The following PTPN11 variants were observed in gnomAD, a reference collection of about 807,000 sequenced individuals.
PTPN11 encodes the protein protein tyrosine phosphatase non-receptor type 11.
In PTPN11, 6 loss-of-function variants were observed where a neutral mutation model predicts 78.8. The observed-to-expected ratio is 0.08, with a 90% CI of 0.04 to 0.15. The LOEUF is 0.15. PTPN11 is among the 10% of genes least tolerant of loss of function. PTPN11 has a pLI of 1.00. For missense variants in PTPN11, 386 were observed against 744.8 expected (o/e 0.52, Z 5.61); for synonymous variants, 221 against 263.5 (o/e 0.84, Z 1.56).
rs80225699 is a variant in PTPN11, at chr12:112,489,407, C to T, written c.1599+232C>T. On this transcript the variant is annotated intron_variant, in intron 13 of 15. Transcript: ENST00000351677. ...AAGGGCACCATCCTATCAGCCTGGC[C>T]TGCCAGATTGAAGAACTGCCATGCA... 4.8e-4 allele frequency among the ~76,000 whole-genome samples: 73 copies of T among 152,350 alleles called. No individual in the cohort carries two copies. The East Asian group carries it at 9.8e-3, about 21-fold the overall frequency.
chr12:112,478,147 G>A, intron 9 of PTPN11, 132 bp downstream of exon 9: 3 of 1,055,320 alleles, frequency 2.8e-6, no homozygotes, highest in Non-Finnish European at 2.8e-6. Context: ...GGGACTAGGA[G>A]AAATTTGATT....
rs370059077 is a variant in PTPN11 at position 112,482,112 on chromosome 12, A to C, written c.1131A>C (p.Leu377=). ...AATACTGGCCTGATGAGTATGCTCT[A>C]AAAGAATATGGCGTCATGCGTGTTA... ...CVKYWPDEYA[L]KEYGVMRVRN... The change falls in exon 10 of 16, where the codon CTA becomes CTC. Residue 377 remains leucine (L), a synonymous_variant. Transcript: ENST00000351677. The surrounding 1 kb of genome is among the most constrained non-coding windows in gnomAD (Gnocchi z 4.4). 4.9e-5 allele frequency: 78 copies of C among 1,591,914 alleles called. No homozygotes were observed. The highest frequency in any genetic ancestry group is 6.6e-5 in the Non-Finnish European group (76 of 1,159,990).
At chr12:112,442,563 T>A (rs1324000838) in intron 1 of PTPN11, among the ~76,000 whole-genome samples, 1 of 151,718 alleles carries the variant, frequency 6.6e-6, no homozygotes, top group Non-Finnish European at 1.5e-5. Context: ...GTGATTCTCC[T>A]GCCTCAGCCC....
At chr12:112,465,376 A>C (rs1270431422) in intron 6 of PTPN11, among the ~76,000 whole-genome samples, 2 of 151,428 alleles carry the variant, frequency 1.3e-5, no homozygotes. Context: ...CAGAGGTTGC[A>C]GTGAGCTGAG....
chr12:112,486,469 C>T lies in PTPN11; in HGVS notation c.1225-6C>T. The T allele has an allele frequency of 6.2e-7, 1 of 1,613,320 alleles. No individual in the cohort carries two copies. Among genetic ancestry groups the T allele is most frequent in the South Asian group, 1.1e-5 (1 of 91,068 alleles). ...TCTTTTCTGGTTTTTCTTGGCTCTACTCCAGGGGAATACGGAGAGAACGGT... is the reference window on the plus strand; with the variant it reads ...TCTTTTCTGGTTTTTCTTGGCTCTATTCCAGGGGAATACGGAGAGAACGGT... On this transcript the variant is annotated splice_polypyrimidine_tract_variant and splice_region_variant and intron_variant, in intron 10 of 15. Coordinates refer to ENST00000351677, the MANE Select transcript of PTPN11 (RefSeq NM_002834.5).
chr12:112,497,496 G>A (rs1239347242), intron 13 of PTPN11, among the ~76,000 whole-genome samples: 2 of 152,182 alleles, frequency 1.3e-5, no homozygotes, highest in Non-Finnish European at 2.9e-5. Context: ...ACATGAGGCC[G>A]TGCCCCTATG....
At chr12:112,431,860 A>C (rs1304942911) in intron 1 of PTPN11, among the ~76,000 whole-genome samples, 1 of 152,204 alleles carries the variant, frequency 6.6e-6, no homozygotes, top group African/African-American at 2.4e-5. Context: ...AGAAATCATA[A>C]TGGAAAAATC....
At position 112,453,289 on chromosome 12, in the gene PTPN11, C is replaced by T. The variant is rs2135867008; in HGVS notation, c.427C>T (p.His143Tyr). The change falls in exon 4 of 16, where the codon CAC becomes TAC. Residue 143 changes from histidine to tyrosine, a missense_variant. Around this residue, in one of 3 missense-constraint regions of PTPN11, gnomAD observed 279 missense variants for 503.3 expected, o/e 0.55. Coordinates refer to ENST00000351677, the MANE Select transcript of PTPN11 (RefSeq NM_002834.5). ...TTTTCTTGTACGAGAGAGCCAGAGC[C>T]ACCCTGGAGATTTTGTTCTTTCTGT... ...GSFLVRESQSHPGDFVLSVRT... is the reference protein window; with the variant it reads ...GSFLVRESQSYPGDFVLSVRT... 1 of 1,613,820 alleles carries T rather than the reference C, an allele frequency of 6.2e-7. No homozygotes were observed. The highest frequency in any genetic ancestry group is 8.5e-7 in the Non-Finnish European group (1 of 1,179,894).
chr12:112,489,357 T>G (rs560670470), intron 13 of PTPN11, among the ~76,000 whole-genome samples, 182 bp downstream of exon 13: 21 of 152,300 alleles, frequency 1.4e-4, no homozygotes, highest in Non-Finnish European at 4.4e-5. Flanking sequence ...TCAGCTCTGA[T>G]TTTTCACTGC....
intron 1 of PTPN11, among the ~76,000 whole-genome samples, chr12:112,443,201 AAAC>A (rs1031402303): frequency 6.6e-6 from 1 of 152,042 alleles, no homozygotes; most frequent in Non-Finnish European, 1.5e-5. Flanking sequence ...GCAAAAGACA[AAAC>A]AACAACAAAA....
intron 13 of PTPN11, 57 bp from the exon 14 acceptor site, chr12:112,502,087 T>C: frequency 7.1e-7 from 1 of 1,414,764 alleles, no homozygotes; most frequent in African/African-American, 1.4e-5. Flanking sequence ...CCTTTTTTGC[T>C]TTTTATCCCC....
chr12:112,424,165 G>T (rs1408576479), intron 1 of PTPN11, among the ~76,000 whole-genome samples: 1 of 152,180 alleles, frequency 6.6e-6, no homozygotes, highest in African/African-American at 2.4e-5. Flanking sequence ...ATAACTCTGT[G>T]CCAGGTACCG....
At chr12:112,474,732 C>A (rs2038472427) in intron 7 of PTPN11, among the ~76,000 whole-genome samples, 1 of 152,170 alleles carries the variant, frequency 6.6e-6, no homozygotes, top group East Asian at 1.9e-4. Flanking sequence ...CTTCCCACCC[C>A]AGCCTGCAAT....
chr12:112,494,015 G>A (rs1370721466), intron 13 of PTPN11, among the ~76,000 whole-genome samples: 1 of 152,148 alleles, frequency 6.6e-6, no homozygotes, highest in Non-Finnish European at 1.5e-5. Context: ...CACTTTGGAA[G>A]GCTGAGGAGG....
intron 13 of PTPN11, 65 bp from the exon 14 acceptor site, chr12:112,502,079 T>C: frequency 7.6e-7 from 1 of 1,323,254 alleles, no homozygotes; most frequent in Non-Finnish European, 1.1e-6. Context: ...GCAAAATACC[T>C]TTTTTGCTTT....
chr12:112,450,026 C>T (rs974288245), intron 2 of PTPN11, among the ~76,000 whole-genome samples: 1 of 149,382 alleles, frequency 6.7e-6, no homozygotes, highest in South Asian at 2.1e-4. Flanking sequence ...GCGAAGGTTG[C>T]GGTGAACCGA....
At chr12:112,442,172 A>G (rs1301388537) in intron 1 of PTPN11, among the ~76,000 whole-genome samples, 2 of 152,182 alleles carry the variant, frequency 1.3e-5, no homozygotes, top group Non-Finnish European at 2.9e-5. Flanking sequence ...AAAACATTTT[A>G]TTTTGAAATA....
rs913785250 is a variant in PTPN11, at chr12:112,507,441, C to T, written c.*1649C>T. ...TTTCTTAATGCCACTGGGTTTTAGT[C>T]AGGCCACAGTGAGAAGGAACAGCCC... On this transcript the variant is annotated 3_prime_UTR_variant, in exon 16 of 16. Transcript: ENST00000351677. The T allele has an allele frequency of 6.5e-6, 1 of 152,716 alleles. No individual in the cohort carries two copies. Among genetic ancestry groups the T allele is most frequent in the African/African-American group, 2.4e-5 (1 of 41,452 alleles). 9.5% of individuals were successfully genotyped at this position (152,716 alleles called of 1,614,324 possible). A position where few individuals can be genotyped will look rare whatever the true frequency, so the allele number is the denominator to read the frequency against.
intron 11 of PTPN11, chr12:112,487,053 G>C (rs893831847): frequency 1.3e-5 from 5 of 377,050 alleles, no homozygotes; most frequent in African/African-American, 1.1e-4. Context: ...ATTTTTGCTT[G>C]GTTCTCTTTT....
Sources: allele counts gnomAD v4.1 joint callset (sites outside exome capture counted in the v4.1 genomes callset), GRCh38; gene constraint gnomAD v4.1.1; regional missense constraint gnomAD v4.1.1; non-coding constraint Gnocchi (gnomAD v3.1); transcripts MANE v1.5; gene names NCBI Gene and HGNC (gene_info 2026-07-23, HGNC 2026-07-21).